The following ZBED6 variants were observed in gnomAD, a reference collection of about 807,000 sequenced individuals.
The protein encoded by ZBED6 is zinc finger BED domain-containing protein 6.
In ZBED6, 40 loss-of-function variants were observed where a neutral mutation model predicts 58.4. The ratio of observed to expected loss-of-function variants is 0.68; its 90% CI spans 0.53 to 0.89. The LOEUF is 0.89. Among genes scored for constraint, ZBED6 ranks in the 40% least tolerant of loss-of-function variants. The pLI is 0.00. For synonymous variants in ZBED6, 439 were observed against 350.6 expected (o/e 1.25, Z -2.82); for missense variants, 1,057 against 1,003.9 (o/e 1.05, Z -0.71).
rs1302791722 is a variant in ZBED6 at position 203,833,923 on chromosome 1, C to G, written c.*3573+70C>G. The G allele has an allele frequency of 5.8e-6, 9 of 1,542,070 alleles. No individual in the cohort carries two copies. In the East Asian group the frequency reaches 2.1e-4, roughly 36 times the overall value. ...GCATTAACATGATAGCTTCTCCAAACTCTTTTTATACAGATCTTTGTTATT... is the reference window on the plus strand; with the variant it reads ...GCATTAACATGATAGCTTCTCCAAAGTCTTTTTATACAGATCTTTGTTATT... On this transcript the variant is annotated intron_variant, in intron 9 of 16. Transcript: ENST00000550078.
chr1:203,822,681 C>G (rs182129136), intron 3 of ZBED6, among the ~76,000 whole-genome samples: 1 of 152,272 alleles, frequency 6.6e-6, no homozygotes, highest in Admixed American at 6.5e-5. Flanking sequence ...ATTGCTAACC[C>G]TGCTCAGGCT....
exon 1 of ZBED6, chr1:203,799,772 A>G: frequency 1.0e-6 from 1 of 991,270 alleles, no homozygotes; most frequent in South Asian, 1.4e-5. Flanking sequence ...TGAAACTTGA[A>G]ACAGATACCC....
intron 3 of ZBED6, among the ~76,000 whole-genome samples, chr1:203,819,087 TATACAC>T (rs1209570589): frequency 5.5e-4 from 23 of 41,464 alleles, no homozygotes; most frequent in East Asian, 3.8e-3. Flanking sequence ...AATATATATA[TATACAC>T]ACACACACAC....
intron 12 of ZBED6, among the ~76,000 whole-genome samples, chr1:203,847,930 A>C (rs146345005): frequency 6.1e-4 from 93 of 152,268 alleles, no homozygotes; most frequent in Middle Eastern, 3.4e-3. Context: ...ACCTTGGCTC[A>C]CTGTAGCCTC....
chr1:203,807,563 G>A (rs374426662), intron 1 of ZBED6, among the ~76,000 whole-genome samples: 1 of 149,712 alleles, frequency 6.7e-6, no homozygotes, highest in Middle Eastern at 3.5e-3. Flanking sequence ...GTCTCGCTCT[G>A]CCTCCCAGGC....
chr1:203,812,840 C>G (rs1405747709), intron 1 of ZBED6, among the ~76,000 whole-genome samples: 3 of 152,076 alleles, frequency 2.0e-5, no homozygotes, highest in Non-Finnish European at 2.9e-5. Flanking sequence ...CCTCGGCCTC[C>G]CAAAGTGCTG....
At chr1:203,825,448 T>C (rs1375856855) in intron 3 of ZBED6, among the ~76,000 whole-genome samples, 4 of 148,058 alleles carry the variant, frequency 2.7e-5, no homozygotes, top group African/African-American at 1.0e-4. Flanking sequence ...TTTTTTTTTT[T>C]TTTTGAGGTG....
chr1:203,808,779 G>A (rs78922731), intron 1 of ZBED6, among the ~76,000 whole-genome samples: 1,839 of 152,052 alleles, frequency 0.012, 24 homozygotes, highest in Non-Finnish European at 0.02. Context: ...CTTCATCTTC[G>A]TCGTCGTCAT....
At chr1:203,844,205 A>G (rs1687271382) in intron 11 of ZBED6, among the ~76,000 whole-genome samples, 1 of 151,284 alleles carries the variant, frequency 6.6e-6, no homozygotes, top group East Asian at 1.9e-4. Flanking sequence ...ACTCTCATCC[A>G]GGCTGGAGTG....
chr1:203,845,586 C>T (rs1687666593), intron 11 of ZBED6, among the ~76,000 whole-genome samples: 1 of 152,220 alleles, frequency 6.6e-6, no homozygotes, highest in South Asian at 2.1e-4. Flanking sequence ...CTAACCAGGC[C>T]TGGCGTGGTG....
rs1369001332 is a variant in ZBED6 at position 203,838,153 on chromosome 1, G to A, written c.*3672+89G>A. 6 of 1,218,222 alleles carry A rather than the reference G, an allele frequency of 4.9e-6. No individual in the cohort carries two copies. The African/African-American group carries it at 9.1e-5, about 19-fold the overall frequency. 75.5% of individuals were successfully genotyped at this position (1,218,222 alleles called of 1,614,324 possible). A position where few individuals can be genotyped will look rare whatever the true frequency, so the allele number is the denominator to read the frequency against. ...AACAGCTATGGTTTTTCATTCTTTT[G>A]TTCAGGTAAATAGGTTATCTTGTAT... On this transcript the variant is annotated intron_variant, in intron 10 of 16. Coordinates refer to ENST00000550078, the Ensembl canonical transcript of ZBED6.
rs1293291746 is a variant in ZBED6 at position 203,852,482 on chromosome 1, A to G, written c.*5215A>G. ...TCTATTGTAACATTTACCTGAGATG[A>G]TCATTTCTTTAGTCTAGAATTTGCC... On this transcript the variant is annotated 3_prime_UTR_variant, in exon 17 of 17. Transcript: ENST00000550078. 3.6e-5 allele frequency: 53 copies of G among 1,474,558 alleles called. No homozygotes were observed. In the South Asian group the frequency reaches 6.8e-4, roughly 19 times the overall value. The allele number at this position is 1,474,558 out of a possible 1,614,324, so 91.3% of individuals were successfully genotyped here.
intron 14 of ZBED6, 200 bp from the exon 15 acceptor site, chr1:203,850,315 G>A: frequency 1.4e-6 from 1 of 722,788 alleles, no homozygotes; most frequent in Non-Finnish European, 2.3e-6. Flanking sequence ...AAATTTAAGT[G>A]GTATTGTATC....
chr1:203,837,959 T>C lies in ZBED6; in HGVS notation c.*3574-7T>C, dbSNP rs771767216. On this transcript the variant is annotated splice_polypyrimidine_tract_variant and splice_region_variant and intron_variant, in intron 9 of 16. Transcript: ENST00000550078. ...GAAATCTTAAACTAAGTTCTCCCTC[T>C]TTATAGGCGGTGACAGTGATCCTCC... 9 of 1,607,138 alleles carry C rather than the reference T, an allele frequency of 5.6e-6. No individual in the cohort carries two copies. The highest frequency in any genetic ancestry group is 7.6e-6 in the Non-Finnish European group (9 of 1,178,376).
At chr1:203,796,213 T>C (rs2102318683) in exon 1 of ZBED6, 1 of 390,010 alleles carries the variant, frequency 2.6e-6, no homozygotes, top group Non-Finnish European at 4.5e-6. Context: ...ACAGTTTCTC[T>C]AGTTGAGCGG....
chr1:203,824,551 T>G (rs1328081636), intron 3 of ZBED6, among the ~76,000 whole-genome samples: 2 of 152,138 alleles, frequency 1.3e-5, no homozygotes, highest in Non-Finnish European at 2.9e-5. Context: ...CAGCAAAAAA[T>G]TTGAGTCATC....
intron 3 of ZBED6, among the ~76,000 whole-genome samples, chr1:203,826,355 T>A (rs914841899): frequency 7.3e-5 from 11 of 150,122 alleles, no homozygotes; most frequent in African/African-American, 1.7e-4. Flanking sequence ...ATATTAAAAT[T>A]AATAAATAAA....
chr1:203,833,918 C>T lies in ZBED6; in HGVS notation c.*3573+65C>T, dbSNP rs557275394. The T allele has an allele frequency of 1.0e-3, 1,594 of 1,546,940 alleles. 2 individuals carry two copies. The highest frequency in any genetic ancestry group is 1.3e-3 in the Non-Finnish European group (1,476 of 1,142,706). ...TTTGTGCATTAACATGATAGCTTCTCCAAACTCTTTTTATACAGATCTTTG... is the reference window on the plus strand; with the variant it reads ...TTTGTGCATTAACATGATAGCTTCTTCAAACTCTTTTTATACAGATCTTTG... On this transcript the variant is annotated intron_variant, in intron 9 of 16. Coordinates refer to ENST00000550078, the Ensembl canonical transcript of ZBED6.
chr1:203,850,620 C>A lies in ZBED6; in HGVS notation c.*4744C>A, dbSNP rs887794553. ...GAGATGCACGCTGCTGTCATTGCCG[C>A]TGTGAAGCCACTCAGCTCCAGCAGT... On this transcript the variant is annotated 3_prime_UTR_variant, in exon 15 of 17. Transcript: ENST00000550078. The A allele has an allele frequency of 1.2e-6, 2 of 1,614,140 alleles. No individual in the cohort carries two copies. The highest frequency in any genetic ancestry group is 1.7e-6 in the Non-Finnish European group (2 of 1,180,020).
Sources: gnomAD v4.1 joint callset for allele counts (sites outside exome capture counted in the v4.1 genomes callset) on GRCh38, gnomAD v4.1.1 for gene constraint, MANE v1.5 for transcripts, NCBI Gene and HGNC (gene_info 2026-07-23, HGNC 2026-07-21) for gene names.